Variants in LPXN observed in about 807,000 individuals in gnomAD.
The protein encoded by LPXN is leupaxin.
LPXN carries 28 observed loss-of-function variants against 45.6 expected under a neutral mutation model. The ratio of observed to expected loss-of-function variants is 0.61; its 90% CI spans 0.45 to 0.84. The LOEUF (loss-of-function observed/expected upper bound fraction) is 0.84. Among genes scored for constraint, LPXN ranks in the 40% least tolerant of loss-of-function variants. The pLI, the probability that LPXN is intolerant of heterozygous loss-of-function variation, is 0.00. For missense variants in LPXN, 459 were observed against 475.0 expected (o/e 0.97, Z 0.31); for synonymous variants, 166 against 169.9 (o/e 0.98, Z 0.18).
At chr11:58,559,669 A>G (rs1419549619) in intron 3 of LPXN, among the ~76,000 whole-genome samples, 3 of 152,184 alleles carry the variant, frequency 2.0e-5, no homozygotes, top group African/African-American at 7.2e-5. Flanking sequence ...TGAGCCCAGG[A>G]GTTCAAGACC....
chr11:58,569,427 C>T (rs1854616583), intron 2 of LPXN, among the ~76,000 whole-genome samples: 1 of 151,588 alleles, frequency 6.6e-6, no homozygotes, highest in Admixed American at 6.6e-5. Flanking sequence ...CTCATTCTGT[C>T]GCCCAGGCTG....
At chr11:58,533,001 T>C (rs1405731111) in intron 7 of LPXN, among the ~76,000 whole-genome samples, 1 of 151,770 alleles carries the variant, frequency 6.6e-6, no homozygotes, top group Non-Finnish European at 1.5e-5. Flanking sequence ...ATGGGAGGAA[T>C]GAGCAACTCC....
At chr11:58,573,777 T>A (rs1854788859) in intron 1 of LPXN, among the ~76,000 whole-genome samples, 1 of 152,182 alleles carries the variant, frequency 6.6e-6, no homozygotes, top group Non-Finnish European at 1.5e-5. Context: ...TTCTCTGTAG[T>A]CTTTTACTGT....
intron 3 of LPXN, among the ~76,000 whole-genome samples, chr11:58,561,804 A>G (rs1209676365): frequency 6.6e-6 from 1 of 152,246 alleles, no homozygotes; most frequent in Non-Finnish European, 1.5e-5. Flanking sequence ...GAAATAGATC[A>G]TTGTTATAAT....
rs149186197 is a variant in LPXN at position 58,550,055 on chromosome 11, C to A, written c.578G>T (p.Arg193Leu). 1.2e-6 allele frequency: 2 copies of A among 1,614,166 alleles called. No homozygotes were observed. The highest frequency in any genetic ancestry group is 4.5e-5 in the East Asian group (2 of 44,890). Residue 193 changes from arginine to leucine, a missense_variant, in exon 6 of 9, where the codon CGG becomes CTG. Transcript: ENST00000395074. Reference sequence around the variant, plus strand: ...GTTGGGGCAGTAGGCCAAGCCACTCCGCTCAAAGAAGGGACTGGAGCCAAT... The same window carrying A: ...GTTGGGGCAGTAGGCCAAGCCACTCAGCTCAAAGAAGGGACTGGAGCCAAT... ...EEIGSSPFFE[R>L]SGLAYCPNDY...
chr11:58,530,889 T>C (rs1169294034), intron 7 of LPXN, among the ~76,000 whole-genome samples: 1 of 152,216 alleles, frequency 6.6e-6, no homozygotes, highest in Non-Finnish European at 1.5e-5. Flanking sequence ...CTGCAGCCTC[T>C]GCTGCTAATA....
chr11:58,549,094 T>C (rs2515359), intron 7 of LPXN, among the ~76,000 whole-genome samples: 78,281 of 152,046 alleles, frequency 0.51, 20,998 homozygotes, highest in East Asian at 0.67. Flanking sequence ...TATAAAGTTA[T>C]TATTTAAAAC....
chr11:58,566,784 T>C (rs1317732592), intron 2 of LPXN, among the ~76,000 whole-genome samples: 1 of 152,202 alleles, frequency 6.6e-6, no homozygotes, highest in Non-Finnish European at 1.5e-5. Context: ...CAGTAATCGA[T>C]TAAAAATTTC....
intron 7 of LPXN, among the ~76,000 whole-genome samples, chr11:58,529,732 G>T (rs1326035597): frequency 6.6e-6 from 1 of 152,092 alleles, no homozygotes; most frequent in Non-Finnish European, 1.5e-5. Flanking sequence ...TAAATAATTT[G>T]GAGATTGCTG....
At chr11:58,574,845 T>A (rs1854831046) in intron 1 of LPXN, among the ~76,000 whole-genome samples, 1 of 152,250 alleles carries the variant, frequency 6.6e-6, no homozygotes. Context: ...ACACGCCATT[T>A]TTTTTAAGAC....
At chr11:58,574,810 CCT>C (rs769393798) in intron 1 of LPXN, among the ~76,000 whole-genome samples, 3 of 152,166 alleles carry the variant, frequency 2.0e-5, no homozygotes, top group Non-Finnish European at 2.9e-5. Flanking sequence ...CTTTACTTTT[CCT>C]CTGTTTCTCC....
upstream of LPXN, chr11:58,578,222 C>G (rs549847205): frequency 1.3e-6 from 1 of 757,750 alleles, no homozygotes; most frequent in South Asian, 1.9e-5. Context: ...CCCGGATGTA[C>G]GGCACGCGTC....
intron 7 of LPXN, among the ~76,000 whole-genome samples, chr11:58,531,864 T>G (rs1275769799): frequency 6.6e-6 from 1 of 152,228 alleles, no homozygotes; most frequent in Non-Finnish European, 1.5e-5. Flanking sequence ...GAGGAGCCCT[T>G]CAGCCTGCCG....
intron 7 of LPXN, among the ~76,000 whole-genome samples, chr11:58,537,044 T>G (rs944344708): frequency 2.0e-5 from 3 of 152,006 alleles, no homozygotes; most frequent in Non-Finnish European, 4.4e-5. Context: ...GAAATAGGAA[T>G]GCTTTTACAC....
intron 3 of LPXN, among the ~76,000 whole-genome samples, chr11:58,557,533 G>C (rs1191488444): frequency 1.3e-5 from 2 of 152,180 alleles, no homozygotes; most frequent in African/African-American, 2.4e-5. Context: ...AGATACACTG[G>C]TGATGAGAGG....
intron 3 of LPXN, among the ~76,000 whole-genome samples, chr11:58,555,325 A>G (rs1341506991): frequency 2.0e-5 from 3 of 152,256 alleles, no homozygotes; most frequent in East Asian, 1.9e-4. Context: ...TAGTTGCTAC[A>G]AAGACTTTAT....
intron 1 of LPXN, among the ~76,000 whole-genome samples, chr11:58,571,134 G>T (rs1238409656): frequency 6.6e-6 from 1 of 152,058 alleles, no homozygotes; most frequent in Non-Finnish European, 1.5e-5. Flanking sequence ...TTGAGCCTAG[G>T]AGTTCCAGAC....
intron 7 of LPXN, among the ~76,000 whole-genome samples, chr11:58,544,297 A>G (rs1853817902): frequency 6.6e-6 from 1 of 152,210 alleles, no homozygotes; most frequent in Non-Finnish European, 1.5e-5. Flanking sequence ...TGGGAACTTG[A>G]TAAAATGCAG....
rs773235381 is a variant in LPXN, at chr11:58,527,644, C to T, written c.971G>A (p.Arg324His). 3.8e-5 allele frequency: 61 copies of T among 1,613,966 alleles called. No individual in the cohort carries two copies. The highest frequency in any genetic ancestry group is 8.8e-5 in the South Asian group (8 of 91,080). The change falls in exon 9 of 9, where the codon CGC becomes CAC. Residue 324 changes from arginine to histidine, a missense_variant. Coordinates refer to ENST00000395074, the MANE Select transcript of LPXN (RefSeq NM_004811.3). ...RPFCELHYHH[R>H]RGTLCHGCGQ... is the part of the protein sequence containing the mutation. ...ACACCCATGGCAGAGCGTTCCCCGG[C>T]GGTGATGGTAATGGAGCTCACAGAA...
Sources: allele counts gnomAD v4.1 joint callset (sites outside exome capture counted in the v4.1 genomes callset), GRCh38; gene constraint gnomAD v4.1.1; transcripts MANE v1.5; gene names NCBI Gene and HGNC (gene_info 2026-07-23, HGNC 2026-07-21).